Variants in ITPR1 observed in about 807,000 individuals in gnomAD.
ITPR1 encodes inositol 1,4,5-trisphosphate receptor type 1, also known as inositol 1,4,5-trisphosphate-gated calcium channel ITPR1.
ITPR1 carries 96 observed loss-of-function variants against 318.4 expected under a neutral mutation model. The observed-to-expected ratio is 0.30, with a 90% CI of 0.26 to 0.36. The LOEUF is 0.36. Among genes scored for constraint, ITPR1 ranks in the 10% least tolerant of loss-of-function variants. The pLI is 1.00. For missense variants in ITPR1, 2,440 were observed against 3,460.2 expected, an observed-to-expected ratio of 0.71 and a Z score of 7.40; for synonymous variants, 1,312 against 1,289.9, an observed-to-expected ratio of 1.02 and a Z score of -0.37.
rs550834503 is a variant in ITPR1 at position 4,631,109 on chromosome 3, G to A, written c.279+3231G>A. Among the ~76,000 whole-genome samples, 36 of 152,308 alleles carry A rather than the reference G, an allele frequency of 2.4e-4. 2 individuals carry two copies. The South Asian group carries it at 7.5e-3, about 32-fold the overall frequency. The stretch of plus-strand genomic sequence containing the variant: ...TGCAAATAAAGGGATGTTCTTCCTC[G>A]ATGAATGAAGAGATGTTTGTGTTTG... On this transcript the variant is annotated intron_variant, in intron 5 of 61. Transcript: ENST00000649015.
At chr3:4,828,780 T>C (rs1005699080) in intron 60 of ITPR1, among the ~76,000 whole-genome samples, 1 of 152,188 alleles carries the variant, frequency 6.6e-6, no homozygotes, top group Admixed American at 6.5e-5. Context: ...GGAAGGGTGA[T>C]TGGTCATTCC....
At chr3:4,714,612 C>T (rs2041631702) in intron 39 of ITPR1, among the ~76,000 whole-genome samples, 1 of 152,204 alleles carries the variant, frequency 6.6e-6, no homozygotes, top group Non-Finnish European at 1.5e-5. Flanking sequence ...GAGGTGTCCT[C>T]TCCAGCCTCT....
intron 43 of ITPR1, among the ~76,000 whole-genome samples, chr3:4,733,918 GTT>G (rs1360902113): frequency 6.6e-6 from 1 of 152,208 alleles, no homozygotes; most frequent in Admixed American, 6.5e-5. Flanking sequence ...CCTAGTTTGT[GTT>G]TTTAGGCAGT....
chr3:4,677,939 C>G (rs1371581988), intron 24 of ITPR1, among the ~76,000 whole-genome samples: 5 of 152,076 alleles, frequency 3.3e-5, no homozygotes, highest in Admixed American at 3.3e-4. Context: ...ACCCGACAAC[C>G]TGCGCTTCCC....
At position 4,777,555 on chromosome 3, in the gene ITPR1, A is replaced by G. The variant is rs550346181; in HGVS notation, c.6291+181A>G. Among the ~76,000 whole-genome samples, 13 of 152,326 alleles carry G rather than the reference A, an allele frequency of 8.5e-5. No homozygotes were observed. In the East Asian group the frequency reaches 1.9e-3, roughly 23 times the overall value. On this transcript the variant is annotated intron_variant, in intron 48 of 61. Coordinates refer to ENST00000649015, the MANE Select transcript of ITPR1 (RefSeq NM_001378452.1). ...GAACTCCAACCTTTCTCTTCCACGT[A>G]AGGTATCTCATGAGGGGATAGGAGC...
intron 4 of ITPR1, among the ~76,000 whole-genome samples, chr3:4,581,736 G>A (rs903154795): frequency 6.6e-6 from 1 of 152,160 alleles, no homozygotes. Context: ...AATAGTGTAC[G>A]GCAGGAATTG....
chr3:4,663,791 C>G (rs1022202855), intron 16 of ITPR1, among the ~76,000 whole-genome samples: 2 of 152,214 alleles, frequency 1.3e-5, no homozygotes, highest in African/African-American at 4.8e-5. Flanking sequence ...CTGAAATCAT[C>G]TGTGCTCCTC....
chr3:4,504,418 A>C (rs1197354921), intron 2 of ITPR1, among the ~76,000 whole-genome samples: 1 of 152,156 alleles, frequency 6.6e-6, no homozygotes, highest in Non-Finnish European at 1.5e-5. Context: ...TTAAAGATGA[A>C]ACTTCTGAGT....
At chr3:4,781,466 C>A (rs2046834053) in intron 49 of ITPR1, among the ~76,000 whole-genome samples, 1 of 152,148 alleles carries the variant, frequency 6.6e-6, no homozygotes, top group Non-Finnish European at 1.5e-5. Context: ...CCAGTCCCCG[C>A]TCTCAAGAAA....
intron 60 of ITPR1, among the ~76,000 whole-genome samples, chr3:4,830,256 G>A (rs530189546): frequency 1.8e-4 from 27 of 152,056 alleles, no homozygotes; most frequent in East Asian, 5.8e-4. Flanking sequence ...GATTACAGGC[G>A]TGAGCCACCA....
chr3:4,550,337 C>G (rs116340429), intron 4 of ITPR1, among the ~76,000 whole-genome samples: 2 of 152,122 alleles, frequency 1.3e-5, no homozygotes, highest in African/African-American at 4.8e-5. Context: ...TTGACCAGTC[C>G]GCTGCCAGAG....
At position 4,846,033 on chromosome 3, in the gene ITPR1, G is replaced by C. The variant is rs1050393768; in HGVS notation, c.8191-106G>C. The C allele has an allele frequency of 5.1e-6, 3 of 592,386 alleles. No individual in the cohort carries two copies. In the African/African-American group the frequency reaches 5.7e-5, roughly 11 times the overall value. 36.7% of individuals were successfully genotyped at this position (592,386 alleles called of 1,614,324 possible). ...CGATGGTACACTATTTGTAGAAAGT[G>C]GGTTTCAGTATAAACCATAACCACA... On this transcript the variant is annotated intron_variant, in intron 61 of 61. Coordinates refer to ENST00000649015, the MANE Select transcript of ITPR1 (RefSeq NM_001378452.1).
At chr3:4,799,816 A>C (rs2048109568) in intron 53 of ITPR1, 1 of 152,330 alleles carries the variant, frequency 6.6e-6, no homozygotes, top group African/African-American at 2.4e-5. Flanking sequence ...GATGCTCATG[A>C]CACGGAAGTT....
In ITPR1 at chr3:4,675,087, A is replaced by G; in HGVS notation, c.2618A>G (p.Asn873Ser). ...CAATAGGTTGTAAATTTAGCTAGGAATCTCATATACTTTGGTTTCTACAAC... is the reference window on the plus strand; with the variant it reads ...CAATAGGTTGTAAATTTAGCTAGGAGTCTCATATACTTTGGTTTCTACAAC... ...LTFEVVNLAR[N>S]LIYFGFYNFS... Residue 873 changes from asparagine to serine, a missense_variant, in exon 23 of 62, where the codon AAT becomes AGT. Around this residue, in one of 23 missense-constraint regions of ITPR1, gnomAD observed 478 missense variants for 696.3 expected, o/e 0.69. Coordinates refer to ENST00000649015, the MANE Select transcript of ITPR1 (RefSeq NM_001378452.1). 6.4e-7 allele frequency: 1 copy of G among 1,573,048 alleles called. No homozygotes were observed. Among genetic ancestry groups the G allele is most frequent in the Non-Finnish European group, 8.7e-7 (1 of 1,144,656 alleles).
intron 33 of ITPR1, 37 bp downstream of exon 33, chr3:4,693,778 C>T (rs1275920016): frequency 6.3e-7 from 1 of 1,586,044 alleles, no homozygotes. Flanking sequence ...CTTCTCGTTG[C>T]TATGTGGTGT....
At position 4,826,816 on chromosome 3, in the gene ITPR1, C is replaced by T. The variant is rs1313477725; in HGVS notation, c.8028+8574C>T. On this transcript the variant is annotated intron_variant, in intron 60 of 61. Coordinates refer to ENST00000649015, the MANE Select transcript of ITPR1 (RefSeq NM_001378452.1). The surrounding 1 kb of genome is among the most constrained non-coding windows in gnomAD (Gnocchi z 4.2). ...TCCGAATTTCCTACATTCTGACCTT[C>T]GTGGAGGGTGTGCCAGGTGCCGTTT... Among the ~76,000 whole-genome samples the T allele has an allele frequency of 1.3e-5, 2 of 152,202 alleles. No homozygotes were observed. The highest frequency in any genetic ancestry group is 1.9e-4 in the East Asian group (1 of 5,208).
In ITPR1 at chr3:4,568,567, G is replaced by A. The variant is rs573634386; in HGVS notation, c.163+47473G>A. ...TGTCTGGGCTAAGAAGGCAGGGATG[G>A]CTTCAAGATCTTGAAAGTCTTGCCA... On this transcript the variant is annotated intron_variant, in intron 4 of 61. Coordinates refer to ENST00000649015, the MANE Select transcript of ITPR1 (RefSeq NM_001378452.1). Among the ~76,000 whole-genome samples the A allele has an allele frequency of 8.5e-5, 13 of 152,254 alleles. No homozygotes were observed. The East Asian group carries it at 2.3e-3, about 27-fold the overall frequency.
At chr3:4,522,310 C>T (rs1019123382) in intron 4 of ITPR1, among the ~76,000 whole-genome samples, 2 of 152,150 alleles carry the variant, frequency 1.3e-5, no homozygotes, top group Non-Finnish European at 2.9e-5. Context: ...CAAATCTTGC[C>T]ATTTGCAGAT....
intron 44 of ITPR1, among the ~76,000 whole-genome samples, chr3:4,763,449 T>G (rs1156473934): frequency 1.3e-5 from 2 of 152,212 alleles, no homozygotes; most frequent in East Asian, 3.8e-4. Flanking sequence ...TATCTCCTTT[T>G]GATACCAAGA....
Sources: allele counts gnomAD v4.1 joint callset (sites outside exome capture counted in the v4.1 genomes callset), GRCh38; gene constraint gnomAD v4.1.1; regional missense constraint gnomAD v4.1.1; non-coding constraint Gnocchi (gnomAD v3.1); transcripts MANE v1.5; gene names NCBI Gene and HGNC (gene_info 2026-07-23, HGNC 2026-07-21).